The following IFT88 variants were observed in gnomAD, a reference collection of about 807,000 sequenced individuals.
IFT88 encodes the protein intraflagellar transport protein 88 homolog.
IFT88 carries 74 observed loss-of-function variants against 119.5 expected under a neutral mutation model. The ratio of observed to expected loss-of-function variants is 0.62; its 90% CI spans 0.51 to 0.75. The LOEUF (loss-of-function observed/expected upper bound fraction) is 0.75. Among genes scored for constraint, IFT88 ranks in the 30% least tolerant of loss-of-function variants. IFT88 has a pLI of 0.00. For missense variants in IFT88, 961 were observed against 977.7 expected, an observed-to-expected ratio of 0.98 and a Z score of 0.23; for synonymous variants, 279 against 316.7, an observed-to-expected ratio of 0.88 and a Z score of 1.26.
intron 16 of IFT88, among the ~76,000 whole-genome samples, chr13:20,634,268 T>A (rs1033412953): frequency 4.6e-5 from 7 of 152,166 alleles, no homozygotes; most frequent in East Asian, 3.8e-4. Flanking sequence ...CTGGGAGGTG[T>A]GATCCACTGG....
At chr13:20,578,169 C>G (rs768292500) in intron 2 of IFT88, among the ~76,000 whole-genome samples, 1 of 149,236 alleles carries the variant, frequency 6.7e-6, no homozygotes, top group Non-Finnish European at 1.5e-5. Context: ...CTCAGCCTCC[C>G]GAGTAGCTGG....
chr13:20,626,540 C>T (rs2047359910), intron 15 of IFT88, among the ~76,000 whole-genome samples: 1 of 152,162 alleles, frequency 6.6e-6, no homozygotes, highest in Admixed American at 6.5e-5. Flanking sequence ...CCATCCTCAC[C>T]AGAGCAGCTT....
At chr13:20,635,421 A>G (rs184936769) in intron 16 of IFT88, among the ~76,000 whole-genome samples, 1 of 152,268 alleles carries the variant, frequency 6.6e-6, no homozygotes, top group African/African-American at 2.4e-5. Context: ...GAGGCACATC[A>G]CAGTCACTAT....
In IFT88 at chr13:20,637,246, T is replaced by C. The variant is rs867357547; in HGVS notation, c.1387-1086T>C. On this transcript the variant is annotated intron_variant, in intron 16 of 25. Coordinates refer to ENST00000351808, the MANE Select transcript of IFT88 (RefSeq NM_006531.5). ...TGTGAACCTACTAAATGCCACAGAA[T>C]TCTACATTTTAAAGGGGTCAGGTTT... Among the ~76,000 whole-genome samples, 8 of 152,208 alleles carry C rather than the reference T, an allele frequency of 5.3e-5. 1 individual carries two copies. Among genetic ancestry groups the C allele is most frequent in the Middle Eastern group, 6.3e-3 (2 of 316 alleles).
intron 2 of IFT88, among the ~76,000 whole-genome samples, chr13:20,580,724 C>CTTTTTTTTTTTTTTTTTTTTTTTTTTT (rs1162699940): frequency 8.1e-6 from 1 of 122,740 alleles, no homozygotes; most frequent in Non-Finnish European, 1.7e-5. Flanking sequence ...TTTCTTTTTT[C>CTTTTTTTTTTTTTTTTTTTTTTTTTTT]TTTTTTTTTT....
intron 24 of IFT88, among the ~76,000 whole-genome samples, chr13:20,684,052 C>A (rs2057616511): frequency 6.6e-6 from 1 of 152,180 alleles, no homozygotes; most frequent in South Asian, 2.1e-4. Context: ...AAAAGGAGAA[C>A]CTGGTCCATA....
chr13:20,657,371 A>G (rs1354556669), intron 22 of IFT88, among the ~76,000 whole-genome samples: 1 of 152,208 alleles, frequency 6.6e-6, no homozygotes, highest in African/African-American at 2.4e-5. Context: ...ACATGTTCTC[A>G]CTAAACTATA....
rs1246533641 is a variant in IFT88, at chr13:20,591,025, C to G, written c.264+5C>G. ...CCAATGACAGGGGCTATTCAGGTAT[C>G]TCTATTGGATGCATGTTCATTTTGT... On this transcript the variant is annotated splice_donor_5th_base_variant and intron_variant, in intron 5 of 25. Coordinates refer to ENST00000351808, the MANE Select transcript of IFT88 (RefSeq NM_006531.5). The G allele has an allele frequency of 1.2e-6, 2 of 1,603,194 alleles. No homozygotes were observed. The highest frequency in any genetic ancestry group is 1.1e-5 in the South Asian group (1 of 89,708).
intron 21 of IFT88, among the ~76,000 whole-genome samples, chr13:20,655,479 T>C (rs1400222419): frequency 2.0e-5 from 3 of 151,390 alleles, no homozygotes; most frequent in Non-Finnish European, 2.9e-5. Flanking sequence ...CATTTATTTA[T>C]TTATTTATCC....
rs761523770 is a variant in IFT88 at position 20,597,128 on chromosome 13, T to G, written c.594+9T>G. 6.9e-7 allele frequency: 1 copy of G among 1,445,812 alleles called. No individual in the cohort carries two copies. The highest frequency in any genetic ancestry group is 1.2e-5 in the South Asian group (1 of 81,710). 89.6% of individuals were successfully genotyped at this position (1,445,812 alleles called of 1,614,324 possible). ...TGGATTTAACTTACTCAGTAAGTAT[T>G]GAAATATAACACAATTTTTAAATAA... On this transcript the variant is annotated intron_variant, in intron 9 of 25. Coordinates refer to ENST00000351808, the MANE Select transcript of IFT88 (RefSeq NM_006531.5).
intron 1 of IFT88, among the ~76,000 whole-genome samples, chr13:20,568,237 C>T (rs542590925): frequency 1.1e-4 from 17 of 152,026 alleles, no homozygotes; most frequent in African/African-American, 4.1e-4. Context: ...TGGCATCATC[C>T]CCAGATTATT....
chr13:20,648,830 A>C (rs549835042), intron 20 of IFT88, among the ~76,000 whole-genome samples: 1 of 152,348 alleles, frequency 6.6e-6, no homozygotes, highest in African/African-American at 2.4e-5. Context: ...GGATTGAAAA[A>C]GATATTCCAA....
chr13:20,595,344 A>G (rs1487202454), intron 7 of IFT88, among the ~76,000 whole-genome samples: 1 of 151,530 alleles, frequency 6.6e-6, no homozygotes, highest in Non-Finnish European at 1.5e-5. Flanking sequence ...TATGGAGTGC[A>G]GTGGCGCAAT....
chr13:20,569,877 A>G (rs994331304), intron 1 of IFT88, among the ~76,000 whole-genome samples: 1 of 151,382 alleles, frequency 6.6e-6, no homozygotes, highest in Non-Finnish European at 1.5e-5. Context: ...AAATAAAAAT[A>G]AAAATAAAAA....
intron 11 of IFT88, among the ~76,000 whole-genome samples, chr13:20,601,137 G>A (rs182003720): frequency 4.6e-5 from 7 of 152,298 alleles, no homozygotes; most frequent in Non-Finnish European, 7.4e-5. Context: ...AGGCCGAGGC[G>A]GGCGAATCAC....
intron 24 of IFT88, among the ~76,000 whole-genome samples, chr13:20,686,072 A>AG (rs2057886217): frequency 6.6e-6 from 1 of 152,194 alleles, no homozygotes; most frequent in Admixed American, 6.5e-5. Flanking sequence ...CAGTTATTAC[A>AG]GGCCCCTTCT....
chr13:20,567,414 G>T (rs538772964), intron 1 of IFT88, among the ~76,000 whole-genome samples, 158 bp downstream of exon 1: 1 of 152,218 alleles, frequency 6.6e-6, no homozygotes, highest in African/African-American at 2.4e-5. Flanking sequence ...AGATGGACTC[G>T]GCCTGCCCCT....
chr13:20,644,228 G>A (rs993588904), intron 19 of IFT88, among the ~76,000 whole-genome samples: 1 of 152,102 alleles, frequency 6.6e-6, no homozygotes, highest in Admixed American at 6.5e-5. Flanking sequence ...GGACAGTCCT[G>A]GTGGCCCATA....
At chr13:20,624,348 C>A (rs1472738792) in intron 14 of IFT88, among the ~76,000 whole-genome samples, 1 of 152,118 alleles carries the variant, frequency 6.6e-6, no homozygotes, top group Non-Finnish European at 1.5e-5. Context: ...CTGGGCGCCA[C>A]CCTCTAGGAA....
Sources: gnomAD v4.1 joint callset for allele counts (sites outside exome capture counted in the v4.1 genomes callset) on GRCh38, gnomAD v4.1.1 for gene constraint, MANE v1.5 for transcripts, NCBI Gene and HGNC (gene_info 2026-07-23, HGNC 2026-07-21) for gene names.